The following NF1 variants were observed in gnomAD, a reference collection of about 807,000 sequenced individuals.
The protein encoded by NF1 is neurofibromin 1, also known as neurofibromin.
A neutral mutation model predicts 325.7 loss-of-function variants in NF1; 122 were observed. The ratio of observed to expected loss-of-function variants is 0.37; its 90% CI spans 0.32 to 0.44. The LOEUF (loss-of-function observed/expected upper bound fraction) is 0.44. Ranked by LOEUF, NF1 falls within the 20% of genes least tolerant of loss-of-function variation. The pLI is 1.00. For missense variants in NF1, 2,140 were observed against 3,415.4 expected (o/e 0.63, Z 9.31); for synonymous variants, 1,091 against 1,186.0 (o/e 0.92, Z 1.65).
rs575113950 is a variant in NF1 at position 31,349,471 on chromosome 17, T to A, written c.7321+220T>A. Among the ~76,000 whole-genome samples the A allele has an allele frequency of 2.0e-5, 3 of 152,280 alleles. No individual in the cohort carries two copies. The South Asian group carries it at 6.2e-4, about 32-fold the overall frequency. ...TAAAATCTGAAATGTGTTCCCTTGG[T>A]CATCTTTGGTTCAAGACACTACAGT... On this transcript the variant is annotated intron_variant, in intron 49 of 57. Coordinates refer to ENST00000358273, the MANE Select transcript of NF1 (RefSeq NM_001042492.3).
chr17:31,190,577 CA>C (rs2066325772), intron 8 of NF1, among the ~76,000 whole-genome samples: 1 of 152,202 alleles, frequency 6.6e-6, no homozygotes, highest in Non-Finnish European at 1.5e-5. Flanking sequence ...TTTACTCAGC[CA>C]TTTCACTGAA....
At chr17:31,334,222 G>A (rs1291182527) in intron 39 of NF1, among the ~76,000 whole-genome samples, 2 of 151,852 alleles carry the variant, frequency 1.3e-5, no homozygotes, top group African/African-American at 4.8e-5. Context: ...CTGTGAACCC[G>A]GGAGGCGGAA....
chr17:31,349,893 G>A (rs971398544), intron 49 of NF1, among the ~76,000 whole-genome samples: 4 of 152,112 alleles, frequency 2.6e-5, no homozygotes, highest in African/African-American at 7.2e-5. Context: ...TGTTTGAACC[G>A]TATCATCTTG....
chr17:31,257,984 T>A (rs1474983238), intron 31 of NF1, among the ~76,000 whole-genome samples: 2 of 152,204 alleles, frequency 1.3e-5, no homozygotes, highest in African/African-American at 4.8e-5. Context: ...TGTCTGTTAA[T>A]CTTAGTAAAT....
chr17:31,260,227 A>G, intron 33 of NF1, 142 bp from the exon 34 acceptor site: 1 of 866,270 alleles, frequency 1.2e-6, no homozygotes, highest in Non-Finnish European at 1.8e-6. Context: ...TGCTTTGTCT[A>G]ATGTCAAGTC....
At chr17:31,306,099 C>T (rs1214974941) in intron 36 of NF1, among the ~76,000 whole-genome samples, 2 of 152,108 alleles carry the variant, frequency 1.3e-5, no homozygotes, top group Admixed American at 1.3e-4. Context: ...TATTTCTTCT[C>T]TCCCCTCCCC....
At chr17:31,227,438 A>C in intron 19 of NF1, 85 bp from the exon 20 acceptor site, 1 of 1,461,830 alleles carries the variant, frequency 6.8e-7, no homozygotes, top group Non-Finnish European at 9.6e-7. Context: ...TATTTAATAT[A>C]CATCAAGTTT....
intron 54 of NF1, chr17:31,358,089 A>T: frequency 4.2e-6 from 1 of 240,034 alleles, no homozygotes. Context: ...TTTTGCACAG[A>T]TCCTAAATTT....
intron 1 of NF1, among the ~76,000 whole-genome samples, chr17:31,141,029 A>G (rs1380045841): frequency 1.3e-5 from 2 of 152,232 alleles, no homozygotes; most frequent in Non-Finnish European, 2.9e-5. Flanking sequence ...TATGTATAAC[A>G]TGAAGACTAT....
intron 1 of NF1, among the ~76,000 whole-genome samples, chr17:31,148,473 C>T (rs1169673539): frequency 1.3e-5 from 2 of 149,820 alleles, no homozygotes; most frequent in Admixed American, 6.7e-5. Context: ...GGGAAATGGT[C>T]GTTCAAGATT....
intron 35 of NF1, among the ~76,000 whole-genome samples, chr17:31,264,469 C>T (rs1230924384): frequency 6.6e-6 from 1 of 151,586 alleles, no homozygotes; most frequent in Non-Finnish European, 1.5e-5. Flanking sequence ...AATTACCTAG[C>T]ATACAGTCAG....
At chr17:31,295,289 G>A in intron 36 of NF1, 1 of 1,614,108 alleles carries the variant, frequency 6.2e-7, no homozygotes, top group East Asian at 2.2e-5. Flanking sequence ...TGCAGCTGCT[G>A]CTTCATGTGA....
rs71142032 is a variant in NF1, at chr17:31,181,801, A to ATTTTTTT, written c.730+26_730+32dup. The ATTTTTTT allele has an allele frequency of 1.3e-5, 16 of 1,218,952 alleles. No homozygotes were observed. Among genetic ancestry groups the ATTTTTTT allele is most frequent in the African/African-American group, 3.0e-5 (2 of 65,908 alleles). 75.5% of individuals were successfully genotyped at this position (1,218,952 alleles called of 1,614,324 possible). A position where few individuals can be genotyped will look rare whatever the true frequency, so the allele number is the denominator to read the frequency against. On this transcript the variant is annotated intron_variant, in intron 7 of 57. Coordinates refer to ENST00000358273, the MANE Select transcript of NF1 (RefSeq NM_001042492.3). ...GATATGGCTGGTAAGGATACGATTG[A>ATTTTTTT]TTTTTTTTTTTTTTTTGTCTTTTAA...
chr17:31,365,305 A>AAAAGAAG, intron 57 of NF1, among the ~76,000 whole-genome samples: 1 of 151,228 alleles, frequency 6.6e-6, no homozygotes, highest in African/African-American at 2.4e-5. Flanking sequence ...AAAGAAGGAA[A>AAAAGAAG]GAAAGAAAAT....
intron 57 of NF1, among the ~76,000 whole-genome samples, chr17:31,369,239 C>T (rs1309310394): frequency 6.6e-6 from 1 of 152,168 alleles, no homozygotes; most frequent in African/African-American, 2.4e-5. Flanking sequence ...CTTCAAGGAA[C>T]TCATGTTCTA....
Position 31,338,753 on chromosome 17 carries a change from T to G in NF1, c.6869T>G (p.Leu2290Arg). The change falls in exon 46 of 58, where the codon CTG becomes CGG. Residue 2290 changes from leucine to arginine, a missense_variant. By Grantham distance (102) the Leu-to-Arg change is moderately radical. Around this residue, in one of 10 missense-constraint regions of NF1, gnomAD observed 522 missense variants for 749.0 expected, o/e 0.70. Transcript: ENST00000358273. ...CCTGACACTTACAACAGTCAAGTTC[T>G]GATAGAAGCTACAGTAATAGCACTA... ...KGPDTYNSQV[L>R]IEATVIALTK... is the part of the protein sequence containing the mutation. 1 of 1,613,448 alleles carries G rather than the reference T, an allele frequency of 6.2e-7. No individual in the cohort carries two copies. Among genetic ancestry groups the G allele is most frequent in the South Asian group, 1.1e-5 (1 of 91,056 alleles).
chr17:31,097,606 CTG>C, intron 1 of NF1, among the ~76,000 whole-genome samples: 2 of 152,254 alleles, frequency 1.3e-5, no homozygotes, highest in Admixed American at 1.3e-4. Flanking sequence ...TCACCACCAT[CTG>C]TTAAAAATTA....
chr17:31,361,404 G>A (rs2525572), intron 57 of NF1: 13 of 152,344 alleles, frequency 8.5e-5, no homozygotes, highest in African/African-American at 2.9e-4. Flanking sequence ...CAGTGTCATA[G>A]TGAATGGTTT....
Position 31,332,922 on chromosome 17 carries a change from GT to G in NF1, c.5813-1910del, listed in dbSNP as rs1385473844. Among the ~76,000 whole-genome samples, 5 of 41,692 alleles carry G rather than the reference GT, an allele frequency of 1.2e-4. 2 individuals are homozygous for G. Among genetic ancestry groups the G allele is most frequent in the Admixed American group, 4.2e-4 (2 of 4,792 alleles). The allele number at this position is 41,692 out of a possible 152,430, so 27.4% of individuals were successfully genotyped here. ...AGGATATGAACTCATCATTTTTTAT[GT>G]TTTTTAAAAAAGAATATTTGTACAA... is the stretch of plus-strand genomic sequence containing the variant. On this transcript the variant is annotated intron_variant, in intron 39 of 57. Transcript: ENST00000358273.
Sources: allele counts gnomAD v4.1 joint callset (sites outside exome capture counted in the v4.1 genomes callset), GRCh38; gene constraint gnomAD v4.1.1; regional missense constraint gnomAD v4.1.1; transcripts MANE v1.5; gene names NCBI Gene and HGNC (gene_info 2026-07-23, HGNC 2026-07-21).